PAK5: variants seen among roughly 807,000 people sequenced by gnomAD.
PAK5 encodes the protein p21 (RAC1) activated kinase 5, also known as serine/threonine-protein kinase PAK 5.
PAK5 carries 16 observed loss-of-function variants against 65.9 expected under a neutral mutation model. That is an observed-to-expected ratio of 0.24 (90% CI 0.16 to 0.37). The LOEUF is 0.37. PAK5 is among the 10% of genes least tolerant of loss of function. PAK5 has a pLI of 1.00. For missense variants in PAK5, 785 were observed against 903.9 expected, an observed-to-expected ratio of 0.87 and a Z score of 1.69; for synonymous variants, 371 against 354.9, an observed-to-expected ratio of 1.05 and a Z score of -0.51.
chr20:9,638,579 T>C (rs1266700212), intron 3 of PAK5, among the ~76,000 whole-genome samples: 1 of 152,198 alleles, frequency 6.6e-6, no homozygotes, highest in Admixed American at 6.5e-5. Context: ...TTATTAGAAA[T>C]GCAAATTCTT....
chr20:9,820,153 G>A (rs1188166170), intron 1 of PAK5, among the ~76,000 whole-genome samples: 4 of 152,214 alleles, frequency 2.6e-5, no homozygotes, highest in East Asian at 1.9e-4. Context: ...TTGAAGATAC[G>A]CCCTGCTTCC....
Position 9,560,861 on chromosome 20 carries a change from C to T in PAK5, c.1616+2030G>A, listed in dbSNP as rs8115296. ...GACGTAACAAGATGTTAAGTTAATG[C>T]TAACACTTCAGTATGTATAAGAAAT... is the stretch of plus-strand genomic sequence containing the variant. On this transcript the variant is annotated intron_variant, in intron 6 of 9. Transcript: ENST00000353224. Among the ~76,000 whole-genome samples, 663 of 152,286 alleles carry T rather than the reference C, an allele frequency of 4.4e-3. 6 individuals carry two copies. The highest frequency in any genetic ancestry group is 0.015 in the African/African-American group (633 of 41,540).
At chr20:9,725,881 G>A (rs905104670) in intron 1 of PAK5, among the ~76,000 whole-genome samples, 1 of 152,020 alleles carries the variant, frequency 6.6e-6, no homozygotes, top group Non-Finnish European at 1.5e-5. Context: ...AAAAAAGTAT[G>A]TGCCATTACA....
At chr20:9,630,275 T>C (rs1051778488) in intron 3 of PAK5, among the ~76,000 whole-genome samples, 2 of 152,210 alleles carry the variant, frequency 1.3e-5, no homozygotes, top group Non-Finnish European at 2.9e-5. Flanking sequence ...TGAGTGAGAC[T>C]GTAGAGCTCT....
chr20:9,638,880 T>C (rs569777571), intron 3 of PAK5, among the ~76,000 whole-genome samples: 7 of 152,186 alleles, frequency 4.6e-5, no homozygotes, highest in Non-Finnish European at 8.8e-5. Context: ...ACTGAAGAAC[T>C]GGCATTTTCC....
In PAK5 at chr20:9,712,382, T is replaced by G. The variant is rs1347209269; in HGVS notation, c.-161-947A>C. Among the ~76,000 whole-genome samples, 4 of 152,280 alleles carry G rather than the reference T, an allele frequency of 2.6e-5. No homozygotes were observed. In the East Asian group the frequency reaches 7.7e-4, roughly 29 times the overall value. ...GGTAGAAAAGGACTACATACAGATTTTATATTCTTCATGAAAGACCCAGGA... is the reference window on the plus strand; with the variant it reads ...GGTAGAAAAGGACTACATACAGATTGTATATTCTTCATGAAAGACCCAGGA... On this transcript the variant is annotated intron_variant, in intron 1 of 9. Transcript: ENST00000353224.
At chr20:9,575,992 T>A (rs1355034519) in intron 4 of PAK5, among the ~76,000 whole-genome samples, 1 of 152,072 alleles carries the variant, frequency 6.6e-6, no homozygotes, top group Non-Finnish European at 1.5e-5. Context: ...TTGCAAAGAT[T>A]AAGTTGAGTC....
intron 2 of PAK5, among the ~76,000 whole-genome samples, chr20:9,709,586 A>G (rs16996310): frequency 0.021 from 3,216 of 152,204 alleles, 121 homozygotes; most frequent in African/African-American, 0.074. Context: ...GTGACTTTTT[A>G]ATTATCCAGC....
chr20:9,708,192 T>C (rs1350993634), intron 2 of PAK5, among the ~76,000 whole-genome samples: 1 of 152,180 alleles, frequency 6.6e-6, no homozygotes, highest in Non-Finnish European at 1.5e-5. Context: ...CAATGATTAA[T>C]TAGTTAATTA....
intron 1 of PAK5, among the ~76,000 whole-genome samples, chr20:9,785,835 G>C (rs925713354): frequency 2.6e-5 from 4 of 152,188 alleles, no homozygotes; most frequent in African/African-American, 9.6e-5. Flanking sequence ...TGGCATGTCT[G>C]TAGATGATGT....
intron 1 of PAK5, among the ~76,000 whole-genome samples, chr20:9,830,201 G>T (rs1978598996): frequency 1.3e-5 from 2 of 152,186 alleles, no homozygotes; most frequent in Non-Finnish European, 2.9e-5. Context: ...GCTAATTTAA[G>T]ATTATTTTCT....
At chr20:9,619,098 T>C (rs1211631146) in intron 3 of PAK5, among the ~76,000 whole-genome samples, 19 of 151,834 alleles carry the variant, frequency 1.3e-4, no homozygotes, top group African/African-American at 4.6e-4. Context: ...AATTTTTGTA[T>C]TTTTAGTAGA....
intron 7 of PAK5, among the ~76,000 whole-genome samples, chr20:9,546,161 C>T (rs1439868658): frequency 6.6e-6 from 1 of 152,140 alleles, no homozygotes; most frequent in African/African-American, 2.4e-5. Flanking sequence ...AATTTCCAAA[C>T]ATATAGCAAA....
At chr20:9,768,653 C>T (rs781563208) in intron 1 of PAK5, among the ~76,000 whole-genome samples, 6 of 151,454 alleles carry the variant, frequency 4.0e-5, no homozygotes, top group Non-Finnish European at 7.4e-5. Context: ...TATGGTGGCG[C>T]GCGGCTGTAG....
At chr20:9,585,461 G>A (rs1327932356) in intron 3 of PAK5, among the ~76,000 whole-genome samples, 1 of 152,180 alleles carries the variant, frequency 6.6e-6, no homozygotes, top group African/African-American at 2.4e-5. Flanking sequence ...GCAATGCAAC[G>A]TTGGTGTGTG....
intron 2 of PAK5, among the ~76,000 whole-genome samples, chr20:9,676,002 G>A (rs1052025994): frequency 6.6e-6 from 1 of 152,124 alleles, no homozygotes; most frequent in African/African-American, 2.4e-5. Context: ...ACCCAAGACT[G>A]GGCAATTTAC....
At chr20:9,546,247 C>T (rs1184673949) in intron 7 of PAK5, among the ~76,000 whole-genome samples, 1 of 152,140 alleles carries the variant, frequency 6.6e-6, no homozygotes, top group African/African-American at 2.4e-5. Flanking sequence ...GCTGTGTGGG[C>T]TTTATCACAC....
intron 9 of PAK5, 132 bp downstream of exon 9, chr20:9,542,454 G>T: frequency 2.2e-6 from 2 of 891,086 alleles, no homozygotes; most frequent in Non-Finnish European, 1.9e-6. Context: ...AAACCTAAGT[G>T]ACTATTTCCA....
intron 2 of PAK5, among the ~76,000 whole-genome samples, chr20:9,691,316 G>A (rs2047794046): frequency 1.3e-5 from 2 of 152,192 alleles, no homozygotes; most frequent in Non-Finnish European, 1.5e-5. Context: ...AGGACACTCA[G>A]ACGGTGGTGG....
Sources: gnomAD v4.1 joint callset for allele counts (sites outside exome capture counted in the v4.1 genomes callset) on GRCh38, gnomAD v4.1.1 for gene constraint, MANE v1.5 for transcripts, NCBI Gene and HGNC (gene_info 2026-07-23, HGNC 2026-07-21) for gene names.